Variants in COX10 observed in about 807,000 individuals in gnomAD.
COX10 encodes cytochrome c oxidase assembly factor heme A:farnesyltransferase COX10.
Under a neutral mutation model 37.3 loss-of-function variants are expected in COX10, and 27 were observed. The ratio of observed to expected loss-of-function variants is 0.72; its 90% CI spans 0.53 to 1.00. COX10 has a LOEUF of 1.00. Among genes scored for constraint, COX10 ranks in the 50% least tolerant of loss-of-function variants. The pLI is 0.00. For missense variants in COX10, 475 were observed against 563.2 expected, an observed-to-expected ratio of 0.84 and a Z score of 1.59; for synonymous variants, 222 against 229.1, an observed-to-expected ratio of 0.97 and a Z score of 0.28.
intron 4 of COX10, among the ~76,000 whole-genome samples, chr17:14,138,177 T>C (rs1567599691): frequency 6.6e-6 from 1 of 152,130 alleles, no homozygotes; most frequent in Non-Finnish European, 1.5e-5. Context: ...AATACACACA[T>C]GCACAAATAG....
chr17:14,148,120 C>G lies in COX10; in HGVS notation c.625-11757C>G, dbSNP rs79070438. 9.0e-3 allele frequency among the ~76,000 whole-genome samples: 1,336 copies of G among 148,756 alleles called. 63 individuals carry two copies. In the East Asian group the frequency reaches 0.095, roughly 11 times the overall value. On this transcript the variant is annotated intron_variant, in intron 4 of 6. Transcript: ENST00000261643. ...TTATTTTCTCCTTTAAGGATGAAGC[C>G]TTAAAATCCAGCCTAGTGAGAGAGG...
At chr17:14,076,704 G>C in intron 2 of COX10, 31 bp from the exon 3 acceptor site, 1 of 1,612,034 alleles carries the variant, frequency 6.2e-7, no homozygotes, top group Non-Finnish European at 8.5e-7. Context: ...TGGGGCCTTG[G>C]TTTTATAGTA....
At chr17:14,190,490 TTC>T (rs1484276761) in intron 5 of COX10, among the ~76,000 whole-genome samples, 5 of 152,310 alleles carry the variant, frequency 3.3e-5, no homozygotes, top group African/African-American at 1.2e-4. Context: ...TTTATGGTTC[TTC>T]TGTCACAAGC....
At chr17:14,157,362 A>C (rs1404651207) in intron 4 of COX10, among the ~76,000 whole-genome samples, 1 of 152,188 alleles carries the variant, frequency 6.6e-6, no homozygotes, top group Admixed American at 6.5e-5. Context: ...GCACTGAGAG[A>C]ATGTAGAATT....
chr17:14,143,225 T>C (rs1904600038), intron 4 of COX10, among the ~76,000 whole-genome samples: 1 of 152,220 alleles, frequency 6.6e-6, no homozygotes, highest in African/African-American at 2.4e-5. Flanking sequence ...ACTGATTTTA[T>C]CCTTTAATGC....
intron 4 of COX10, among the ~76,000 whole-genome samples, chr17:14,137,246 T>C (rs1904402159): frequency 6.6e-6 from 1 of 151,186 alleles, no homozygotes; most frequent in Non-Finnish European, 1.5e-5. Flanking sequence ...TCAAAATATG[T>C]GCAAATATAT....
intron 5 of COX10, among the ~76,000 whole-genome samples, chr17:14,184,540 C>T (rs568760425): frequency 6.6e-5 from 10 of 152,224 alleles, no homozygotes; most frequent in Admixed American, 1.3e-4. Context: ...CACACTTGCT[C>T]CATCTTGCCC....
chr17:14,181,656 A>G (rs1420492236), intron 5 of COX10, among the ~76,000 whole-genome samples: 1 of 152,216 alleles, frequency 6.6e-6, no homozygotes, highest in African/African-American at 2.4e-5. Flanking sequence ...AGAGAATTCA[A>G]CTATCTGGCT....
Position 14,117,201 on chromosome 17 carries a change from C to G in COX10, c.624+14959C>G, listed in dbSNP as rs1049389386. ...CGTTAAAAACATTAACCCTTTGTTACAACTGTTTTTCTGATCCTGTCCCTT... is the reference window on the plus strand; with the variant it reads ...CGTTAAAAACATTAACCCTTTGTTAGAACTGTTTTTCTGATCCTGTCCCTT... On this transcript the variant is annotated intron_variant, in intron 4 of 6. Transcript: ENST00000261643. 2.6e-5 allele frequency among the ~76,000 whole-genome samples: 4 copies of G among 152,068 alleles called. No individual in the cohort carries two copies. The South Asian group carries it at 8.3e-4, about 32-fold the overall frequency.
chr17:14,191,385 C>T (rs949593472), intron 5 of COX10, among the ~76,000 whole-genome samples: 5 of 150,878 alleles, frequency 3.3e-5, no homozygotes, highest in African/African-American at 9.7e-5. Context: ...TGTCAGGAAC[C>T]GGTAGCATGC....
chr17:14,116,344 A>G (rs1916109853), intron 4 of COX10, among the ~76,000 whole-genome samples: 1 of 152,130 alleles, frequency 6.6e-6, no homozygotes, highest in South Asian at 2.1e-4. Flanking sequence ...TCAAAGATAC[A>G]TTTTCTCATC....
chr17:14,195,199 G>C (rs1906332918), intron 6 of COX10, among the ~76,000 whole-genome samples: 1 of 152,216 alleles, frequency 6.6e-6, no homozygotes, highest in Non-Finnish European at 1.5e-5. Context: ...CTTGAGATAA[G>C]CAGCAAATAC....
chr17:14,169,885 A>G (rs1020016666), intron 5 of COX10, among the ~76,000 whole-genome samples: 1 of 152,168 alleles, frequency 6.6e-6, no homozygotes, highest in African/African-American at 2.4e-5. Context: ...TTATGGGATC[A>G]GATTCTTCAT....
At chr17:14,104,346 A>T (rs1219440330) in intron 4 of COX10, among the ~76,000 whole-genome samples, 4 of 152,166 alleles carry the variant, frequency 2.6e-5, no homozygotes, top group African/African-American at 4.8e-5. Flanking sequence ...GCAATCTTAT[A>T]CATTTAAAAT....
chr17:14,186,382 A>T (rs2854629), intron 5 of COX10, among the ~76,000 whole-genome samples: 24,242 of 147,542 alleles, frequency 0.16, 370 homozygotes, highest in Admixed American at 0.26. Flanking sequence ...GCCTTCTCAC[A>T]CACTGTTCCC....
chr17:14,143,395 T>G (rs1421344951), intron 4 of COX10, among the ~76,000 whole-genome samples: 1 of 152,178 alleles, frequency 6.6e-6, no homozygotes, highest in East Asian at 1.9e-4. Context: ...TAAGTTACTT[T>G]AAAATACATT....
chr17:14,198,323 A>G (rs1481607027), intron 6 of COX10, among the ~76,000 whole-genome samples: 2 of 152,210 alleles, frequency 1.3e-5, no homozygotes, highest in East Asian at 3.9e-4. Context: ...CTATTAGTGT[A>G]TCTCAGAGGC....
chr17:14,126,100 C>A (rs1291171119), intron 4 of COX10, among the ~76,000 whole-genome samples: 2 of 152,112 alleles, frequency 1.3e-5, no homozygotes, highest in Non-Finnish European at 2.9e-5. Context: ...TGATTCATTG[C>A]TGGGTTTTTT....
chr17:14,127,202 A>G (rs1031081690), intron 4 of COX10, among the ~76,000 whole-genome samples: 1 of 152,128 alleles, frequency 6.6e-6, no homozygotes, highest in African/African-American at 2.4e-5. Flanking sequence ...CACTAAACCA[A>G]CCTTTCTACT....
Sources: gnomAD v4.1 joint callset for allele counts (sites outside exome capture counted in the v4.1 genomes callset) on GRCh38, gnomAD v4.1.1 for gene constraint, MANE v1.5 for transcripts, NCBI Gene and HGNC (gene_info 2026-07-23, HGNC 2026-07-21) for gene names.